Variants in OPCML observed in about 807,000 individuals in gnomAD.
OPCML encodes opioid-binding protein/cell adhesion molecule.
OPCML carries 13 observed loss-of-function variants against 37.8 expected under a neutral mutation model. The ratio of observed to expected loss-of-function variants is 0.34; its 90% CI spans 0.22 to 0.55. The LOEUF is 0.55. Ranked by LOEUF, OPCML falls within the 20% of genes least tolerant of loss-of-function variation. The probability of loss-of-function intolerance (pLI) is 0.91; values close to 1 mark genes in which losing one functional copy is unlikely to be tolerated. For missense variants in OPCML, 341 were observed against 435.6 expected (o/e 0.78, Z 1.93); for synonymous variants, 176 against 168.8 (o/e 1.04, Z -0.33).
intron 2 of OPCML, 42 bp downstream of exon 2, chr11:132,942,884 A>G: frequency 6.2e-7 from 1 of 1,607,168 alleles, no homozygotes; most frequent in African/African-American, 1.4e-5. Flanking sequence ...CCCAGCGACC[A>G]CAGCCCAGGG....
chr11:132,554,150 C>T (rs193147757), intron 3 of OPCML, among the ~76,000 whole-genome samples: 268 of 152,300 alleles, frequency 1.8e-3, no homozygotes, highest in Middle Eastern at 0.01. Context: ...TGAGACTGCT[C>T]CCCTCTTCCA....
intron 1 of OPCML, among the ~76,000 whole-genome samples, chr11:133,164,397 T>C (rs1302026126): frequency 1.3e-5 from 2 of 152,346 alleles, no homozygotes; most frequent in Non-Finnish European, 1.5e-5. Context: ...AATGAATGAA[T>C]AAATGTTCTT....
chr11:132,744,667 C>T (rs79577680), intron 2 of OPCML, among the ~76,000 whole-genome samples: 29,731 of 152,188 alleles, frequency 0.2, 3,144 homozygotes, highest in Middle Eastern at 0.26. Flanking sequence ...GGCACTGCCA[C>T]GGAGAGCCAT....
At chr11:133,186,345 T>G (rs1938070927) in intron 1 of OPCML, among the ~76,000 whole-genome samples, 1 of 152,196 alleles carries the variant, frequency 6.6e-6, no homozygotes. Context: ...TTTTTGTCAG[T>G]CTGAGATGCT....
At chr11:133,240,939 A>G (rs1940708139) in intron 1 of OPCML, among the ~76,000 whole-genome samples, 1 of 152,156 alleles carries the variant, frequency 6.6e-6, no homozygotes, top group Non-Finnish European at 1.5e-5. Context: ...CCCTCTGCCA[A>G]TTCTTTCTTT....
At chr11:133,055,903 G>A (rs760699257) in intron 1 of OPCML, among the ~76,000 whole-genome samples, 33 of 139,398 alleles carry the variant, frequency 2.4e-4, no homozygotes, top group Middle Eastern at 4.8e-3. Context: ...TGAGGGAGAC[G>A]CCTCTACTGT....
chr11:132,828,141 A>T lies in OPCML; in HGVS notation c.146+114785T>A, dbSNP rs114598598. 1.9e-3 allele frequency among the ~76,000 whole-genome samples: 282 copies of T among 152,340 alleles called. 2 individuals carry two copies. Among genetic ancestry groups the T allele is most frequent in the African/African-American group, 6.2e-3 (259 of 41,586 alleles). The stretch of plus-strand genomic sequence containing the variant: ...GTCGCTAAGTGGAAAAGGCCATGTG[A>T]AAATGAAAATCATATACTATATAGT... On this transcript the variant is annotated intron_variant, in intron 2 of 7. Coordinates refer to ENST00000524381, the MANE Select transcript of OPCML (RefSeq NM_001012393.5).
At chr11:133,394,753 T>C (rs553007275) in intron 1 of OPCML, among the ~76,000 whole-genome samples, 107 of 152,352 alleles carry the variant, frequency 7.0e-4, no homozygotes, top group Admixed American at 1.7e-3. Flanking sequence ...GTATATGTAC[T>C]ACATTTTCTT....
intron 1 of OPCML, among the ~76,000 whole-genome samples, chr11:133,250,088 CT>C (rs1398789679): frequency 6.6e-6 from 1 of 152,192 alleles, no homozygotes; most frequent in Non-Finnish European, 1.5e-5. Context: ...AGTATAGACA[CT>C]TTTGGTGGAT....
intron 3 of OPCML, among the ~76,000 whole-genome samples, chr11:132,654,055 C>A (rs144388330): frequency 6.6e-6 from 1 of 152,298 alleles, no homozygotes; most frequent in African/African-American, 2.4e-5. Context: ...TTATCTTTAT[C>A]TAACCTGAAC....
At chr11:133,235,498 A>G (rs897159782) in intron 1 of OPCML, among the ~76,000 whole-genome samples, 2 of 152,238 alleles carry the variant, frequency 1.3e-5, no homozygotes, top group Admixed American at 1.3e-4. Flanking sequence ...GAAAGGAATC[A>G]AACATATTCA....
intron 2 of OPCML, among the ~76,000 whole-genome samples, chr11:132,665,193 T>C (rs1157271666): frequency 6.6e-6 from 1 of 152,172 alleles, no homozygotes; most frequent in Non-Finnish European, 1.5e-5. Flanking sequence ...CATAGAGTAG[T>C]GGAAACACAA....
intron 2 of OPCML, among the ~76,000 whole-genome samples, chr11:132,831,593 C>T (rs1047416477): frequency 2.6e-5 from 4 of 152,068 alleles, no homozygotes; most frequent in African/African-American, 4.8e-5. Flanking sequence ...CTTGCTTCCT[C>T]CTGCCTCTCC....
intron 1 of OPCML, among the ~76,000 whole-genome samples, chr11:133,435,800 G>C (rs1946221513): frequency 6.6e-6 from 1 of 152,186 alleles, no homozygotes; most frequent in South Asian, 2.1e-4. Context: ...CATGCCCCGT[G>C]AAGAGGATTA....
intron 2 of OPCML, among the ~76,000 whole-genome samples, chr11:132,861,489 T>G (rs1318774927): frequency 6.6e-6 from 1 of 152,266 alleles, no homozygotes; most frequent in African/African-American, 2.4e-5. Context: ...AAATAGATGT[T>G]TGCCTGTATG....
chr11:132,692,024 C>T lies in OPCML; in HGVS notation c.147-34705G>A, dbSNP rs1045547492. Among the ~76,000 whole-genome samples the T allele has an allele frequency of 1.2e-4, 18 of 152,182 alleles. 1 individual carries two copies. The highest frequency in any genetic ancestry group is 4.1e-4 in the African/African-American group (17 of 41,448). On this transcript the variant is annotated intron_variant, in intron 2 of 7. Coordinates refer to ENST00000524381, the MANE Select transcript of OPCML (RefSeq NM_001012393.5). ...CAGAACACGTGCTTCAATCAGCTGG[C>T]TGTGTAAGAATTCAATCAGCGTTAA...
intron 3 of OPCML, among the ~76,000 whole-genome samples, chr11:132,537,731 A>T (rs1188502058): frequency 1.3e-5 from 2 of 152,246 alleles, no homozygotes; most frequent in African/African-American, 4.8e-5. Flanking sequence ...ATGTCAAATA[A>T]TCCAATTTAA....
At chr11:132,809,569 A>C (rs1939208755) in intron 2 of OPCML, among the ~76,000 whole-genome samples, 1 of 152,178 alleles carries the variant, frequency 6.6e-6, no homozygotes, top group Non-Finnish European at 1.5e-5. Flanking sequence ...AATGTTCCCC[A>C]GGGTTAATAA....
At chr11:133,240,212 C>CA (rs35643678) in intron 1 of OPCML, among the ~76,000 whole-genome samples, 28,635 of 65,388 alleles carry the variant, frequency 0.44, 5,801 homozygotes, top group East Asian at 0.62. Flanking sequence ...ACACTTGGGG[C>CA]AAAAAAAAAA....
Sources: gnomAD v4.1 joint callset for allele counts (sites outside exome capture counted in the v4.1 genomes callset) on GRCh38, gnomAD v4.1.1 for gene constraint, MANE v1.5 for transcripts, NCBI Gene and HGNC (gene_info 2026-07-23, HGNC 2026-07-21) for gene names.